The following RIMS2 variants were observed in gnomAD, a reference collection of about 807,000 sequenced individuals.
The protein encoded by RIMS2 is regulating synaptic membrane exocytosis protein 2.
Under a neutral mutation model 174.4 loss-of-function variants are expected in RIMS2, and 59 were observed. The observed-to-expected ratio is 0.34, with a 90% CI of 0.27 to 0.42. RIMS2 has a LOEUF of 0.42. Ranked by LOEUF, RIMS2 falls within the 10% of genes least tolerant of loss-of-function variation. RIMS2 has a pLI of 1.00. For missense variants in RIMS2, 1,620 were observed against 1,666.3 expected (o/e 0.97, Z 0.48); for synonymous variants, 606 against 572.5 (o/e 1.06, Z -0.84).
chr8:103,699,049 A>T, intron 2 of RIMS2, among the ~76,000 whole-genome samples: 1 of 152,190 alleles, frequency 6.6e-6, no homozygotes, highest in Non-Finnish European at 1.5e-5. Flanking sequence ...TATTCAGGTT[A>T]TCTTTCTTGA....
chr8:104,181,527 G>C (rs907814740), intron 19 of RIMS2, among the ~76,000 whole-genome samples: 5 of 151,390 alleles, frequency 3.3e-5, no homozygotes, highest in Non-Finnish European at 7.4e-5. Context: ...GTACTACTGA[G>C]TCCATTAAAA....
intron 19 of RIMS2, among the ~76,000 whole-genome samples, chr8:104,019,459 A>G (rs1597234656): frequency 6.6e-6 from 1 of 152,188 alleles, no homozygotes; most frequent in South Asian, 2.1e-4. Flanking sequence ...AAGCAATGCC[A>G]TTACATATAT....
chr8:103,853,452 C>A (rs2099010341), intron 3 of RIMS2, among the ~76,000 whole-genome samples: 1 of 152,070 alleles, frequency 6.6e-6, no homozygotes, highest in Admixed American at 6.6e-5. Flanking sequence ...GCCAAAAATT[C>A]TTTGCTAAGG....
intron 19 of RIMS2, among the ~76,000 whole-genome samples, chr8:104,206,950 G>C (rs74768513): frequency 2.5e-3 from 386 of 152,302 alleles, no homozygotes; most frequent in African/African-American, 8.5e-3. Context: ...AGGGAGCTCA[G>C]TGATCTTTAT....
intron 4 of RIMS2, among the ~76,000 whole-genome samples, chr8:103,900,798 C>T (rs2099324075): frequency 6.6e-6 from 1 of 152,104 alleles, no homozygotes; most frequent in Non-Finnish European, 1.5e-5. Flanking sequence ...GCAACTCATC[C>T]TTTCTTTCAG....
chr8:104,211,388 G>A (rs1272392361), intron 19 of RIMS2, among the ~76,000 whole-genome samples: 1 of 152,106 alleles, frequency 6.6e-6, no homozygotes. Flanking sequence ...AAATAATTTG[G>A]CCTGTTTGAG....
intron 16 of RIMS2, among the ~76,000 whole-genome samples, chr8:103,977,748 C>T (rs900255787): frequency 2.6e-5 from 4 of 152,204 alleles, no homozygotes; most frequent in Non-Finnish European, 2.9e-5. Context: ...GTTTCCATAG[C>T]CCCTCTCCTT....
intron 1 of RIMS2, among the ~76,000 whole-genome samples, chr8:103,617,768 G>C (rs1047936917): frequency 6.6e-6 from 1 of 152,074 alleles, no homozygotes; most frequent in Admixed American, 6.5e-5. Context: ...CAGTATTAGT[G>C]ATCATTAGAG....
intron 19 of RIMS2, among the ~76,000 whole-genome samples, chr8:104,161,376 C>G (rs2098760156): frequency 6.6e-6 from 1 of 152,000 alleles, no homozygotes; most frequent in Non-Finnish European, 1.5e-5. Flanking sequence ...TATGAGCAGA[C>G]AGAGAGTATT....
chr8:103,925,934 G>T (rs530549568), intron 10 of RIMS2, among the ~76,000 whole-genome samples: 1 of 151,514 alleles, frequency 6.6e-6, no homozygotes, highest in African/African-American at 2.4e-5. Flanking sequence ...AAAAAATATT[G>T]TCAACGCAAA....
chr8:104,118,077 A>T (rs1443999054), intron 19 of RIMS2, among the ~76,000 whole-genome samples: 2 of 152,216 alleles, frequency 1.3e-5, no homozygotes, highest in Non-Finnish European at 2.9e-5. Flanking sequence ...CAAACAAATT[A>T]TGAGAAGGGA....
intron 21 of RIMS2, 91 bp downstream of exon 27, chr8:104,248,904 T>TCTCTCTCTCTCTCC: frequency 1.5e-6 from 1 of 669,814 alleles, no homozygotes; most frequent in Non-Finnish European, 2.6e-6. Context: ...TCTCTCTCTC[T>TCTCTCTCTCTCTCC]CTCTCTCTTT....
chr8:104,082,770 C>A (rs2097448494), intron 19 of RIMS2, among the ~76,000 whole-genome samples: 1 of 150,970 alleles, frequency 6.6e-6, no homozygotes, highest in South Asian at 2.1e-4. Flanking sequence ...TATCTATATT[C>A]TTTTAATATT....
At chr8:104,005,156 C>T (rs1284838625) in intron 17 of RIMS2, among the ~76,000 whole-genome samples, 1 of 152,182 alleles carries the variant, frequency 6.6e-6, no homozygotes, top group African/African-American at 2.4e-5. Context: ...TTGAAATCTT[C>T]TAGCACTACC....
intron 19 of RIMS2, among the ~76,000 whole-genome samples, chr8:104,176,056 G>T (rs140483769): frequency 3.8e-4 from 58 of 152,170 alleles, no homozygotes; most frequent in South Asian, 8.3e-4. Context: ...TTCTCTATCT[G>T]CAGTGCTGTC....
chr8:103,692,974 G>A (rs1296106088), intron 1 of RIMS2, among the ~76,000 whole-genome samples: 1 of 152,138 alleles, frequency 6.6e-6, no homozygotes, highest in African/African-American at 2.4e-5. Flanking sequence ...CTTGTGGTCT[G>A]GACTGCCTTT....
At chr8:104,078,157 AC>A (rs1415224751) in intron 19 of RIMS2, among the ~76,000 whole-genome samples, 13 of 141,966 alleles carry the variant, frequency 9.2e-5, no homozygotes, top group Admixed American at 6.2e-4. Flanking sequence ...AACAAAAAAA[AC>A]AAACCAAAAA....
intron 1 of RIMS2, chr8:103,652,218 C>A: frequency 3.0e-6 from 4 of 1,348,926 alleles, no homozygotes; most frequent in African/African-American, 1.5e-5. Flanking sequence ...CAAAGAAGAA[C>A]ACAAACCACA....
chr8:103,928,950 T>G (rs1595336501), intron 11 of RIMS2, among the ~76,000 whole-genome samples: 1 of 151,768 alleles, frequency 6.6e-6, no homozygotes, highest in East Asian at 1.9e-4. Flanking sequence ...TAAAGTGATG[T>G]ACCTAATAAA....
Sources: allele counts gnomAD v4.1 joint callset (sites outside exome capture counted in the v4.1 genomes callset), GRCh38; gene constraint gnomAD v4.1.1; transcripts MANE v1.5; gene names NCBI Gene and HGNC (gene_info 2026-07-23, HGNC 2026-07-21).